The following ZNF711 variants were observed in gnomAD, a reference collection of about 807,000 sequenced individuals.
ZNF711 encodes the protein ZFX family zinc finger ZNF711.
A neutral mutation model predicts 43.5 loss-of-function variants in ZNF711; 3 were observed. That is an observed-to-expected ratio of 0.07 (90% CI 0.03 to 0.18). The LOEUF (loss-of-function observed/expected upper bound fraction) is 0.18, where lower values mean the gene tolerates loss of function less well. Among genes scored for constraint, ZNF711 ranks in the 10% least tolerant of loss-of-function variants. The pLI is 1.00. For missense variants in ZNF711, 412 were observed against 604.0 expected (o/e 0.68, Z 3.33); for synonymous variants, 209 against 207.7 (o/e 1.01, Z -0.06).
At chrX:85,258,325 T>C (rs372873123) in intron 5 of ZNF711, among the ~76,000 whole-genome samples, 41 of 110,700 alleles carry the variant, frequency 3.7e-4, no homozygotes, top group African/African-American at 1.1e-3. Context: ...AGCTAAGCTA[T>C]GAGGATGCAA....
intron 4 of ZNF711, among the ~76,000 whole-genome samples, chrX:85,249,818 A>G (rs1278196945): frequency 9.0e-6 from 1 of 111,590 alleles, no homozygotes; most frequent in Non-Finnish European, 1.9e-5. Flanking sequence ...GAACATTTTC[A>G]TATCCTAAAA....
In ZNF711 at chrX:85,272,734, A is replaced by G. The variant is rs1884661240; in HGVS notation, c.*906A>G. The G allele has an allele frequency of 8.9e-6, 1 of 111,848 alleles. No individual in the cohort carries two copies. Among genetic ancestry groups the G allele is most frequent in the African/African-American group, 3.2e-5 (1 of 30,794 alleles). The allele number at this position is 111,848 out of a possible 1,213,427, so 9.2% of individuals were successfully genotyped here. A position where few individuals can be genotyped will look rare whatever the true frequency, so the allele number is the denominator to read the frequency against. ...GATTGTTCTAGTCTTACTTGCTCTA[A>G]TGTTTAAAGGTGCAATTTTATGCCA... On this transcript the variant is annotated 3_prime_UTR_variant, in exon 11 of 11. Coordinates refer to ENST00000674551, the MANE Select transcript of ZNF711 (RefSeq NM_001330574.2).
intron 5 of ZNF711, among the ~76,000 whole-genome samples, chrX:85,257,252 T>C (rs1930234276): frequency 9.0e-6 from 1 of 111,314 alleles, no homozygotes; most frequent in African/African-American, 3.3e-5. Context: ...TGTACGGGTA[T>C]GAATGATCCC....
chrX:85,265,100 C>A lies in ZNF711; in HGVS notation c.779-18C>A. The A allele has an allele frequency of 1.7e-6, 2 of 1,196,979 alleles. No individual in the cohort carries two copies. Among genetic ancestry groups the A allele is most frequent in the Non-Finnish European group, 2.3e-6 (2 of 884,208 alleles). ...TCCATGATACTTCTCTATTTTAATG[C>A]GTGTTTTAATTTTTAAGGTGGAACA... is the stretch of plus-strand genomic sequence containing the variant. On this transcript the variant is annotated intron_variant, in intron 6 of 10. Coordinates refer to ENST00000674551, the MANE Select transcript of ZNF711 (RefSeq NM_001330574.2).
chrX:85,260,774 C>A (rs1010634983), intron 5 of ZNF711, among the ~76,000 whole-genome samples: 5 of 110,377 alleles, frequency 4.5e-5, no homozygotes, highest in African/African-American at 1.6e-4. Flanking sequence ...GTACATTTGA[C>A]CCTTGAACAA....
At chrX:85,262,109 C>A (rs967964590) in intron 5 of ZNF711, among the ~76,000 whole-genome samples, 1 of 110,460 alleles carries the variant, frequency 9.1e-6, no homozygotes, top group African/African-American at 3.3e-5. Context: ...ATTGCTCATT[C>A]TGAGGAATCT....
intron 7 of ZNF711, among the ~76,000 whole-genome samples, chrX:85,266,877 T>C (rs893983501): frequency 4.1e-4 from 44 of 107,739 alleles, no homozygotes; most frequent in Non-Finnish European, 4.2e-4. Context: ...GTACTGCATT[T>C]CATTTATAAT....
chrX:85,256,465 C>A (rs1364195935), intron 5 of ZNF711, among the ~76,000 whole-genome samples: 1 of 111,477 alleles, frequency 9.0e-6, no homozygotes, highest in African/African-American at 3.3e-5. Context: ...TAAAAAATAT[C>A]TTGATAAGTT....
intron 2 of ZNF711, among the ~76,000 whole-genome samples, chrX:85,246,355 C>A: frequency 8.9e-6 from 1 of 112,083 alleles, no homozygotes; most frequent in East Asian, 2.8e-4. Context: ...TAAAGTAATT[C>A]TGTCTGAATC....
In ZNF711 at chrX:85,271,892, C is replaced by T. The variant is rs1931599140; in HGVS notation, c.*64C>T. 8 of 907,774 alleles carry T rather than the reference C, an allele frequency of 8.8e-6. No homozygotes were observed. Among genetic ancestry groups the T allele is most frequent in the Non-Finnish European group, 1.3e-5 (8 of 629,543 alleles). 74.8% of individuals were successfully genotyped at this position (907,774 alleles called of 1,213,427 possible). A position where few individuals can be genotyped will look rare whatever the true frequency, so the allele number is the denominator to read the frequency against. On this transcript the variant is annotated 3_prime_UTR_variant, in exon 11 of 11. Transcript: ENST00000674551. ...GATATGCTACTTGGGAGAAAACTCT[C>T]ACTAACTGTCTCACCGGGTTTCAAA...
intron 4 of ZNF711, among the ~76,000 whole-genome samples, chrX:85,254,814 AAAAAAG>A (rs1322539464): frequency 9.4e-6 from 1 of 106,645 alleles, no homozygotes. Flanking sequence ...AAAAAAAAAA[AAAAAAG>A]AAAAAGAAAA....
chrX:85,247,122 T>A lies in ZNF711; in HGVS notation c.-93T>A. 1 of 296,583 alleles carries A rather than the reference T, an allele frequency of 3.4e-6. No homozygotes were observed. Among genetic ancestry groups the A allele is most frequent in the Non-Finnish European group, 5.9e-6 (1 of 170,026 alleles). The allele number at this position is 296,583 out of a possible 1,213,427, so 24.4% of individuals were successfully genotyped here. A position where few individuals can be genotyped will look rare whatever the true frequency, so the allele number is the denominator to read the frequency against. ...CTCCGCTGCAGGGCTGATCTGGGTC[T>A]GGAAGAAATGGATGAGAGCCAGTGG... On this transcript the variant is annotated 5_prime_UTR_variant, in exon 3 of 11. Transcript: ENST00000674551.
chrX:85,266,288 C>T (rs1386132853), intron 7 of ZNF711, among the ~76,000 whole-genome samples: 1 of 111,323 alleles, frequency 9.0e-6, no homozygotes, highest in African/African-American at 3.3e-5. Context: ...GGAGAAGATT[C>T]TGATGGATAG....
rs771610633 is a variant in ZNF711, at chrX:85,267,237, A to G, written c.917-41A>G. The G allele has an allele frequency of 2.0e-5, 21 of 1,024,425 alleles. No individual in the cohort carries two copies. The African/African-American group carries it at 3.5e-4, about 17-fold the overall frequency. 84.4% of individuals were successfully genotyped at this position (1,024,425 alleles called of 1,213,427 possible). A position where few individuals can be genotyped will look rare whatever the true frequency, so the allele number is the denominator to read the frequency against. On this transcript the variant is annotated intron_variant, in intron 7 of 10. Coordinates refer to ENST00000674551, the MANE Select transcript of ZNF711 (RefSeq NM_001330574.2). ...TTTGGAATTTTTACCCACTTATTAAATATTTGGGGTTATAAACAAGCAATT... is the reference window on the plus strand; with the variant it reads ...TTTGGAATTTTTACCCACTTATTAAGTATTTGGGGTTATAAACAAGCAATT...
intron 5 of ZNF711, among the ~76,000 whole-genome samples, chrX:85,259,596 C>T (rs1326522245): frequency 7.2e-5 from 8 of 110,758 alleles, no homozygotes; most frequent in African/African-American, 2.0e-4. Context: ...TAGTACTCCT[C>T]GTAGAGGTTT....
chrX:85,264,319 T>C lies in ZNF711; in HGVS notation c.667T>C (p.Leu223=), dbSNP rs143214322. The C allele has an allele frequency of 6.6e-6, 8 of 1,203,705 alleles. No individual in the cohort carries two copies. The African/African-American group carries it at 1.1e-4, about 16-fold the overall frequency. ...ATTAGAGCATATGGGGAATACACCA[T>C]TAAAAATTGGCAGTGATGGTTCACA... ...EKLEHMGNTP[L]KIGSDGSQED... The change falls in exon 6 of 11, where the codon TTA becomes CTA. Residue 223 remains leucine (L), a synonymous_variant. Transcript: ENST00000674551.
At chrX:85,261,918 A>G (rs1473069838) in intron 5 of ZNF711, among the ~76,000 whole-genome samples, 1 of 111,219 alleles carries the variant, frequency 9.0e-6, no homozygotes, top group South Asian at 3.7e-4. Context: ...ATTTATTTCT[A>G]AAGTCAGTTG....
intron 5 of ZNF711, among the ~76,000 whole-genome samples, chrX:85,261,637 C>T (rs1421931983): frequency 9.0e-6 from 1 of 111,256 alleles, no homozygotes; most frequent in East Asian, 2.8e-4. Context: ...GTACATTTGA[C>T]TAAAATGAAA....
At position 85,270,916 on chromosome X, in the gene ZNF711, T is replaced by C. The variant is rs747112996; in HGVS notation, c.1512T>C (p.Ala504=). 2.5e-6 allele frequency: 3 copies of C among 1,210,557 alleles called. No homozygotes were observed. Among genetic ancestry groups the C allele is most frequent in the Non-Finnish European group, 3.4e-6 (3 of 894,909 alleles). The stretch of plus-strand genomic sequence containing the variant: ...AATACACACGAAGATACAGAGAGGC[T>C]AGTCCACTGAGTTCCAATAAACTTA... ...FTEYTRRYRE[A]SPLSSNKLIL... Residue 504 remains alanine, a synonymous_variant, in exon 11 of 11, where the codon GCT becomes GCC. Transcript: ENST00000674551.
Sources: gnomAD v4.1 joint callset for allele counts (sites outside exome capture counted in the v4.1 genomes callset) on GRCh38, gnomAD v4.1.1 for gene constraint, MANE v1.5 for transcripts, NCBI Gene and HGNC (gene_info 2026-07-23, HGNC 2026-07-21) for gene names.